The following CNTN6 variants were observed in gnomAD, a reference collection of about 807,000 sequenced individuals.
CNTN6 encodes contactin-6.
CNTN6 carries 137 observed loss-of-function variants against 122.8 expected under a neutral mutation model. That is an observed-to-expected ratio of 1.12 (90% CI 0.97 to 1.29). CNTN6 has a LOEUF of 1.29. CNTN6 is among the 50% of genes most tolerant of loss of function. CNTN6 has a pLI of 0.00. For missense variants in CNTN6, 1,634 were observed against 1,223.4 expected (o/e 1.34, Z -5.01); for synonymous variants, 570 against 426.0 (o/e 1.34, Z -4.16).
chr3:1,286,604 TGATA>T (rs1294713755), intron 5 of CNTN6, among the ~76,000 whole-genome samples: 3 of 152,230 alleles, frequency 2.0e-5, no homozygotes, highest in Admixed American at 6.5e-5. Flanking sequence ...AGTCTATCAT[TGATA>T]GATAGATAGA....
intron 4 of CNTN6, among the ~76,000 whole-genome samples, chr3:1,251,324 C>A (rs73002355): frequency 0.24 from 36,224 of 152,040 alleles, 5,059 homozygotes; most frequent in East Asian, 0.5. Flanking sequence ...CTCACTCTCT[C>A]CAGTCCATGG....
chr3:1,108,194 A>C (rs1021222474), intron 1 of CNTN6, among the ~76,000 whole-genome samples: 2 of 152,076 alleles, frequency 1.3e-5, no homozygotes, highest in African/African-American at 4.8e-5. Context: ...GACATATATC[A>C]AACTCATGGT....
At chr3:1,320,140 T>G (rs1273190668) in intron 7 of CNTN6, among the ~76,000 whole-genome samples, 1 of 151,736 alleles carries the variant, frequency 6.6e-6, no homozygotes, top group Non-Finnish European at 1.5e-5. Flanking sequence ...TTGTGGCAAG[T>G]GGCAAGGCTT....
At chr3:1,321,057 T>G (rs555184165) in intron 7 of CNTN6, among the ~76,000 whole-genome samples, 1 of 151,764 alleles carries the variant, frequency 6.6e-6, no homozygotes, top group South Asian at 2.1e-4. Context: ...AGAGCCTATT[T>G]ACCAGTTCAT....
intron 12 of CNTN6, among the ~76,000 whole-genome samples, chr3:1,369,334 G>C (rs113777292): frequency 4.0e-5 from 6 of 149,622 alleles, no homozygotes. Flanking sequence ...TTTTGTAGAC[G>C]TTCATCTCTG....
chr3:1,189,259 A>G (rs1482331641), intron 2 of CNTN6, among the ~76,000 whole-genome samples: 1 of 152,188 alleles, frequency 6.6e-6, no homozygotes, highest in Non-Finnish European at 1.5e-5. Context: ...GTTTTTGAAT[A>G]TAAAAATCTC....
chr3:1,338,959 T>C (rs1227236243), intron 11 of CNTN6, among the ~76,000 whole-genome samples: 1 of 152,064 alleles, frequency 6.6e-6, no homozygotes. Flanking sequence ...AGAAAAAGCA[T>C]TGCTGTCTAT....
intron 12 of CNTN6, among the ~76,000 whole-genome samples, chr3:1,354,018 T>C (rs1361608387): frequency 6.6e-6 from 1 of 151,444 alleles, no homozygotes; most frequent in East Asian, 1.9e-4. Context: ...AAAACACAAG[T>C]TAATGGTAGA....
rs2093699667 is a variant in CNTN6 at position 1,191,366 on chromosome 3, G to A, written c.56-29321G>A. Reference sequence around the variant, plus strand: ...TCCCGTCTCCCATCCTCCAGGAAGGGGAGATTAGGTTAATAATTAATAATG... The same window carrying A: ...TCCCGTCTCCCATCCTCCAGGAAGGAGAGATTAGGTTAATAATTAATAATG... On this transcript the variant is annotated intron_variant, in intron 2 of 22. Coordinates refer to ENST00000446702, the MANE Select transcript of CNTN6 (RefSeq NM_001289080.2). 2.0e-5 allele frequency among the ~76,000 whole-genome samples: 3 copies of A among 152,126 alleles called. No individual in the cohort carries two copies. The South Asian group carries it at 6.2e-4, about 32-fold the overall frequency.
At position 1,147,978 on chromosome 3, in the gene CNTN6, T is replaced by C; in HGVS notation, c.-31T>C. 6.4e-7 allele frequency: 1 copy of C among 1,574,440 alleles called. No individual in the cohort carries two copies. The highest frequency in any genetic ancestry group is 1.1e-5 in the South Asian group (1 of 89,550). ...GACTGTTTTGTTCCACCTGATTGTA[T>C]GGGAGAAATTTTTGACCTTAGAAAG... On this transcript the variant is annotated 5_prime_UTR_variant, in exon 2 of 23. The change abolishes an upstream ATG in the 5' untranslated region. Coordinates refer to ENST00000446702, the MANE Select transcript of CNTN6 (RefSeq NM_001289080.2).
chr3:1,173,156 C>T (rs531347071), intron 2 of CNTN6: 13 of 451,498 alleles, frequency 2.9e-5, no homozygotes, highest in East Asian at 7.0e-5. Flanking sequence ...CCAGGCATAC[C>T]GTAAGGAGAG....
intron 1 of CNTN6, among the ~76,000 whole-genome samples, chr3:1,095,509 A>C (rs2124914721): frequency 6.6e-6 from 1 of 152,182 alleles, no homozygotes; most frequent in East Asian, 1.9e-4. Flanking sequence ...GAAAACAGAA[A>C]CATTGAGTTT....
intron 4 of CNTN6, among the ~76,000 whole-genome samples, chr3:1,251,594 C>G (rs966975108): frequency 5.3e-5 from 8 of 151,888 alleles, no homozygotes; most frequent in African/African-American, 1.9e-4. Flanking sequence ...GTGAAAAATC[C>G]AACTATGACA....
intron 5 of CNTN6, among the ~76,000 whole-genome samples, chr3:1,289,051 C>T (rs570430295): frequency 2.6e-5 from 4 of 152,210 alleles, no homozygotes; most frequent in East Asian, 1.9e-4. Context: ...CGTTAATAAC[C>T]GATAAATGTC....
chr3:1,149,070 C>T (rs567686148), intron 2 of CNTN6, among the ~76,000 whole-genome samples: 53 of 152,216 alleles, frequency 3.5e-4, no homozygotes, highest in Non-Finnish European at 6.8e-4. Flanking sequence ...TGGAATGACA[C>T]TACATCTCTT....
At chr3:1,244,524 G>A (rs1368136701) in intron 4 of CNTN6, among the ~76,000 whole-genome samples, 1 of 152,030 alleles carries the variant, frequency 6.6e-6, no homozygotes, top group Non-Finnish European at 1.5e-5. Flanking sequence ...CCTGCCCCAG[G>A]AAAGTGGAGA....
chr3:1,403,450 TG>T lies in CNTN6; in HGVS notation c.*33del. ...AAACCATAAATCTTTGAGAGTTTTT[TG>T]AAAGCAAATCATTCTGTATATATGC... On this transcript the variant is annotated 3_prime_UTR_variant, in exon 23 of 23. Coordinates refer to ENST00000446702, the MANE Select transcript of CNTN6 (RefSeq NM_001289080.2). 1 of 1,417,392 alleles carries T rather than the reference TG, an allele frequency of 7.1e-7. No homozygotes were observed. The allele number at this position is 1,417,392 out of a possible 1,614,324, so 87.8% of individuals were successfully genotyped here.
intron 5 of CNTN6, among the ~76,000 whole-genome samples, chr3:1,286,498 TC>T (rs1213488694): frequency 6.6e-6 from 1 of 152,164 alleles, no homozygotes; most frequent in African/African-American, 2.4e-5. Context: ...GTTTCGAGCT[TC>T]ATCCATGTCC....
At chr3:1,223,132 TG>T (rs1459474697) in intron 3 of CNTN6, among the ~76,000 whole-genome samples, 1 of 152,230 alleles carries the variant, frequency 6.6e-6, no homozygotes, top group Non-Finnish European at 1.5e-5. Context: ...TGTGTGTGCA[TG>T]TGTGTCTTAG....
Sources: allele counts gnomAD v4.1 joint callset (sites outside exome capture counted in the v4.1 genomes callset), GRCh38; gene constraint gnomAD v4.1.1; transcripts MANE v1.5; gene names NCBI Gene and HGNC (gene_info 2026-07-23, HGNC 2026-07-21).